The following PPP2R5C variants were observed in gnomAD, a reference collection of about 807,000 sequenced individuals.
PPP2R5C encodes the protein serine/threonine-protein phosphatase 2A 56 kDa regulatory subunit gamma isoform.
Under a neutral mutation model 68.9 loss-of-function variants are expected in PPP2R5C, and 7 were observed. That is an observed-to-expected ratio of 0.10 (90% CI 0.06 to 0.19). The LOEUF (loss-of-function observed/expected upper bound fraction) is 0.19. PPP2R5C is among the 10% of genes least tolerant of loss of function. PPP2R5C has a pLI of 1.00. For synonymous variants in PPP2R5C, 210 were observed against 222.2 expected, an observed-to-expected ratio of 0.95 and a Z score of 0.49; for missense variants, 348 against 641.3, an observed-to-expected ratio of 0.54 and a Z score of 4.94.
intron 5 of PPP2R5C, among the ~76,000 whole-genome samples, chr14:101,885,757 A>G (rs1485702302): frequency 1.3e-5 from 2 of 152,254 alleles, no homozygotes; most frequent in East Asian, 3.9e-4. Flanking sequence ...TTATGTTTCT[A>G]TTTTATGTTT....
intron 10 of PPP2R5C, among the ~76,000 whole-genome samples, chr14:101,907,680 C>T (rs540172530): frequency 1.2e-4 from 18 of 152,312 alleles, no homozygotes; most frequent in Non-Finnish European, 2.1e-4. Context: ...GCCCAGTCTG[C>T]GGTCCCAAAG....
At chr14:101,773,012 C>T (rs377552546) in intron 2 of PPP2R5C, among the ~76,000 whole-genome samples, 33 of 152,234 alleles carry the variant, frequency 2.2e-4, no homozygotes, top group East Asian at 7.7e-4. Flanking sequence ...TACCCTCTCT[C>T]GGTATCATGT....
At chr14:101,909,734 C>A in intron 11 of PPP2R5C, 44 bp downstream of exon 13, 1 of 1,439,430 alleles carries the variant, frequency 6.9e-7, no homozygotes, top group Non-Finnish European at 9.7e-7. Context: ...GGATTTTTTT[C>A]TTAATCCTAA....
intron 8 of PPP2R5C, 95 bp from the exon 11 acceptor site, chr14:101,901,624 C>A: frequency 7.9e-7 from 1 of 1,270,210 alleles, no homozygotes; most frequent in Non-Finnish European, 1.1e-6. Context: ...TGTTGCCTTG[C>A]AGTGGGGCCA....
intron 2 of PPP2R5C, among the ~76,000 whole-genome samples, chr14:101,865,987 C>T (rs2043039715): frequency 6.6e-6 from 1 of 152,160 alleles, no homozygotes. Context: ...TGCAACCTCC[C>T]AGGTTCAAGT....
At chr14:101,925,685 T>A (rs913084649) in exon 14 of PPP2R5C, 1 of 155,590 alleles carries the variant, frequency 6.4e-6, no homozygotes, top group African/African-American at 2.4e-5. Context: ...ACCTATTTTT[T>A]AAGACTTTAC....
chr14:101,823,775 C>T, intron 1 of PPP2R5C: 1 of 1,126,366 alleles, frequency 8.9e-7, no homozygotes, highest in Non-Finnish European at 1.1e-6. Flanking sequence ...TCTGAGCATG[C>T]ACTGAGCCTG....
intron 2 of PPP2R5C, among the ~76,000 whole-genome samples, chr14:101,768,779 A>G (rs932283893): frequency 2.0e-5 from 3 of 151,596 alleles, no homozygotes; most frequent in African/African-American, 7.3e-5. Flanking sequence ...CCCCTCTTTT[A>G]GAATGCTCTA....
intron 3 of PPP2R5C, among the ~76,000 whole-genome samples, chr14:101,787,215 A>C (rs1355253061): frequency 2.6e-5 from 4 of 152,254 alleles, no homozygotes; most frequent in African/African-American, 7.2e-5. Flanking sequence ...GTGCCACTGC[A>C]CTTCAGCGTG....
At chr14:101,800,430 G>A (rs1027034342) in intron 3 of PPP2R5C, among the ~76,000 whole-genome samples, 4 of 152,082 alleles carry the variant, frequency 2.6e-5, no homozygotes, top group Admixed American at 6.6e-5. Flanking sequence ...AGGCGTGATG[G>A]TGCATGCCTG....
intron 13 of PPP2R5C, among the ~76,000 whole-genome samples, chr14:101,924,443 A>ATTTTTTTTTTTTTTT (rs2047175999): frequency 1.8e-5 from 1 of 56,854 alleles, no homozygotes; most frequent in African/African-American, 1.3e-4. Flanking sequence ...AAATTTCTAC[A>ATTTTTTTTTTTTTTT]TCTTTTTTTT....
intron 2 of PPP2R5C, among the ~76,000 whole-genome samples, chr14:101,783,407 G>A (rs1267200356): frequency 6.6e-6 from 1 of 151,056 alleles, no homozygotes; most frequent in Non-Finnish European, 1.5e-5. Context: ...TCCCATCGGG[G>A]AGGAAGATGC....
intron 2 of PPP2R5C, among the ~76,000 whole-genome samples, chr14:101,774,248 C>T (rs1490858794): frequency 3.9e-5 from 6 of 152,220 alleles, no homozygotes; most frequent in African/African-American, 1.4e-4. Flanking sequence ...GGAGCTGGCT[C>T]TTGTGACTTT....
rs1029856371 is a variant in PPP2R5C, at chr14:101,769,119, C to A, written c.93+6149C>A. Among the ~76,000 whole-genome samples the A allele has an allele frequency of 7.2e-5, 11 of 152,360 alleles. No homozygotes were observed. In the East Asian group the frequency reaches 2.1e-3, roughly 29 times the overall value. ...GATTACAGGCGTGAGCCACTGTGCC[C>A]AGCCCCTTTCATCTTTTTAGCTCCA... On this transcript the variant is annotated intron_variant, in intron 2 of 14. Transcript: ENST00000328724.
At chr14:101,914,918 C>CA (rs1413089700) in intron 12 of PPP2R5C, among the ~76,000 whole-genome samples, 2 of 152,200 alleles carry the variant, frequency 1.3e-5, no homozygotes, top group African/African-American at 4.8e-5. Context: ...CTGTGAGACT[C>CA]AGAGTAGCTG....
chr14:101,793,386 G>C (rs899074369), intron 3 of PPP2R5C, among the ~76,000 whole-genome samples: 1 of 152,220 alleles, frequency 6.6e-6, no homozygotes, highest in Non-Finnish European at 1.5e-5. Context: ...TTTTGAAGCA[G>C]GATATTTCCC....
chr14:101,787,006 C>A (rs1484187274), intron 3 of PPP2R5C, among the ~76,000 whole-genome samples: 1 of 152,140 alleles, frequency 6.6e-6, no homozygotes, highest in African/African-American at 2.4e-5. Flanking sequence ...AATCTCATCA[C>A]TTTAGGAGGC....
chr14:101,894,844 C>T (rs1426895627), intron 8 of PPP2R5C, among the ~76,000 whole-genome samples: 1 of 152,276 alleles, frequency 6.6e-6, no homozygotes, highest in East Asian at 1.9e-4. Context: ...GTTATTGTAG[C>T]CACTAAATTT....
intron 3 of PPP2R5C, among the ~76,000 whole-genome samples, chr14:101,799,608 T>G (rs530889465): frequency 4.7e-4 from 72 of 152,014 alleles, no homozygotes; most frequent in African/African-American, 1.7e-3. Context: ...TTACTTAGAG[T>G]TTGTTTCATC....
Sources: allele counts gnomAD v4.1 joint callset (sites outside exome capture counted in the v4.1 genomes callset), GRCh38; gene constraint gnomAD v4.1.1; transcripts MANE v1.5; gene names NCBI Gene and HGNC (gene_info 2026-07-23, HGNC 2026-07-21).